KDM5B: variants seen among roughly 807,000 people sequenced by gnomAD.
The protein encoded by KDM5B is lysine-specific demethylase 5B.
In KDM5B, 144 loss-of-function variants were observed where a neutral mutation model predicts 193.4. That is an observed-to-expected ratio of 0.74 (90% CI 0.65 to 0.86). The LOEUF (loss-of-function observed/expected upper bound fraction) is 0.86. Among genes scored for constraint, KDM5B ranks in the 40% least tolerant of loss-of-function variants. The pLI is 0.00. For missense variants in KDM5B, 1,833 were observed against 1,886.9 expected (o/e 0.97, Z 0.53); for synonymous variants, 668 against 682.6 (o/e 0.98, Z 0.33).
intron 7 of KDM5B, among the ~76,000 whole-genome samples, chr1:202,761,617 G>A (rs1389100388): frequency 1.3e-5 from 2 of 152,022 alleles, no homozygotes; most frequent in Non-Finnish European, 2.9e-5. Context: ...GAGTCCTTAC[G>A]GAGGTAATCA....
intron 8 of KDM5B, 113 bp from the exon 9 acceptor site, chr1:202,758,623 A>C: frequency 1.3e-6 from 1 of 768,520 alleles, no homozygotes; most frequent in Non-Finnish European, 1.9e-6. Context: ...TTTTACTTCT[A>C]TGCTAGGTCT....
intron 1 of KDM5B, among the ~76,000 whole-genome samples, chr1:202,789,220 G>A (rs867698041): frequency 4.6e-5 from 7 of 152,186 alleles, no homozygotes; most frequent in Middle Eastern, 6.8e-3. Context: ...ATTTGCAATA[G>A]TATTAAAGAA....
intron 1 of KDM5B, among the ~76,000 whole-genome samples, chr1:202,795,103 A>G (rs1657786949): frequency 6.6e-6 from 1 of 151,976 alleles, no homozygotes; most frequent in Non-Finnish European, 1.5e-5. Flanking sequence ...AGTCTCAGCT[A>G]CTCAAGAGGC....
chr1:202,795,059 C>T (rs967598280), intron 1 of KDM5B, among the ~76,000 whole-genome samples: 6 of 151,104 alleles, frequency 4.0e-5, no homozygotes, highest in Admixed American at 1.3e-4. Flanking sequence ...ACTAAAAATA[C>T]AAAAATTAGC....
At chr1:202,779,020 G>A (rs983105000) in intron 1 of KDM5B, among the ~76,000 whole-genome samples, 1 of 152,148 alleles carries the variant, frequency 6.6e-6, no homozygotes, top group Non-Finnish European at 1.5e-5. Context: ...ACACTGGAAA[G>A]CTATCTAGAG....
chr1:202,794,338 G>T (rs1002836822), intron 1 of KDM5B, among the ~76,000 whole-genome samples: 1 of 152,238 alleles, frequency 6.6e-6, no homozygotes, highest in African/African-American at 2.4e-5. Context: ...TATGTGATTA[G>T]AGTAGTATTA....
chr1:202,727,430 G>T lies in KDM5B; in HGVS notation c.*1606C>A, dbSNP rs1654713321. On this transcript the variant is annotated 3_prime_UTR_variant, in exon 27 of 27. Transcript: ENST00000367265. ...CATTCTTAAAGAGATTTAATTATTT[G>T]AAGTGCATAAAAGGGGAGGGTACAT... The T allele has an allele frequency of 6.6e-6, 1 of 152,604 alleles. No homozygotes were observed. Among genetic ancestry groups the T allele is most frequent in the East Asian group, 1.9e-4 (1 of 5,194 alleles). 9.5% of individuals were successfully genotyped at this position (152,604 alleles called of 1,614,324 possible).
At position 202,726,785 on chromosome 1, in the gene KDM5B, A is replaced by T. The variant is rs1054115347; in HGVS notation, c.*2251T>A. 1 of 152,232 alleles carries T rather than the reference A, an allele frequency of 6.6e-6. No individual in the cohort carries two copies. The highest frequency in any genetic ancestry group is 1.5e-5 in the Non-Finnish European group (1 of 68,032). 9.4% of individuals were successfully genotyped at this position (152,232 alleles called of 1,614,324 possible). On this transcript the variant is annotated 3_prime_UTR_variant, in exon 27 of 27. Transcript: ENST00000367265. ...AACAAAGGCATAAACTGGAAAGTAA[A>T]CGTTATCTGTGTTCATTAGTAGTGT...
rs1654678211 is a variant in KDM5B at position 202,726,504 on chromosome 1, C to T, written c.*2532G>A. On this transcript the variant is annotated 3_prime_UTR_variant, in exon 27 of 27. Transcript: ENST00000367265. ...CATTTAGGTGAGGTGGAAGGCACAC[C>T]TCATCTACCCTTTCTTTCTTTACCC... 1 of 152,128 alleles carries T rather than the reference C, an allele frequency of 6.6e-6. No individual in the cohort carries two copies. The highest frequency in any genetic ancestry group is 1.5e-5 in the Non-Finnish European group (1 of 68,032). 9.4% of individuals were successfully genotyped at this position (152,128 alleles called of 1,614,324 possible).
chr1:202,742,737 G>A lies in KDM5B; in HGVS notation c.2392C>T (p.Arg798Ter), dbSNP rs750860780. The change falls in exon 17 of 27, where the codon CGA becomes TGA. Residue 798 changes from arginine (R) to a stop codon, truncating the protein, a stop_gained. Coordinates refer to ENST00000367265, the MANE Select transcript of KDM5B (RefSeq NM_006618.5). LOFTEE classifies it high-confidence loss of function. ...MKKFPDNDLLRHLRLVTQDAE... is the reference protein window; with the variant it reads ...MKKFPDNDLL The stretch of plus-strand genomic sequence containing the variant: ...TCCTGTGTGACTAGGCGAAGGTGTC[G>A]CAAAAGATCATTGTCTGGGAATTTC... 8 of 1,614,058 alleles carry A rather than the reference G, an allele frequency of 5.0e-6. No homozygotes were observed. The highest frequency in any genetic ancestry group is 5.9e-6 in the Non-Finnish European group (7 of 1,179,950).
Position 202,808,418 on chromosome 1 carries a change from G to A in KDM5B, c.-113C>T, listed in dbSNP as rs999448218. The A allele has an allele frequency of 2.0e-6, 2 of 977,362 alleles. No individual in the cohort carries two copies. The highest frequency in any genetic ancestry group is 2.8e-5 in the Admixed American group (1 of 35,098). The allele number at this position is 977,362 out of a possible 1,614,324, so 60.5% of individuals were successfully genotyped here. On this transcript the variant is annotated 5_prime_UTR_variant, in exon 1 of 27. Coordinates refer to ENST00000367265, the MANE Select transcript of KDM5B (RefSeq NM_006618.5). ...GCTCGAGCAACAGCAAGTCCGAGTT[G>A]TACGGGCAACGGCAGCACCTTGGGC... is the stretch of plus-strand genomic sequence containing the variant.
intron 14 of KDM5B, chr1:202,746,575 A>C: frequency 5.8e-6 from 2 of 346,366 alleles, no homozygotes; most frequent in Non-Finnish European, 1.0e-5. Context: ...CTGAGTATGA[A>C]CACCATAGGA....
At position 202,725,562 on chromosome 1, in the gene KDM5B, C is replaced by T. The variant is rs1654646846; in HGVS notation, c.*3474G>A. On this transcript the variant is annotated 3_prime_UTR_variant, in exon 27 of 27. Transcript: ENST00000367265. ...GAGTTGAGGGACCCTGACCCTCATA[C>T]ATAGCTCAATAAAGGCCGACACTGG... The T allele has an allele frequency of 6.6e-6, 1 of 152,202 alleles. No homozygotes were observed. Among genetic ancestry groups the T allele is most frequent in the Non-Finnish European group, 1.5e-5 (1 of 68,038 alleles). 9.4% of individuals were successfully genotyped at this position (152,202 alleles called of 1,614,324 possible).
intron 1 of KDM5B, among the ~76,000 whole-genome samples, chr1:202,804,967 T>C (rs1387910998): frequency 6.6e-6 from 1 of 151,974 alleles, no homozygotes; most frequent in Non-Finnish European, 1.5e-5. Flanking sequence ...TATATTCCTA[T>C]CAAAATTTGG....
At chr1:202,760,258 G>A (rs12135963) in intron 8 of KDM5B, among the ~76,000 whole-genome samples, 157 bp downstream of exon 8, 29,234 of 151,964 alleles carry the variant, frequency 0.19, 3,069 homozygotes, top group Middle Eastern at 0.28. Context: ...TGATGCTGCA[G>A]TGAGCCATGT....
chr1:202,787,761 C>T (rs985737699), intron 1 of KDM5B, among the ~76,000 whole-genome samples: 5 of 151,734 alleles, frequency 3.3e-5, no homozygotes, highest in African/African-American at 9.7e-5. Context: ...GGCATGGTGG[C>T]GGGCGCCTGT....
chr1:202,786,006 T>A (rs1348392085), intron 1 of KDM5B, among the ~76,000 whole-genome samples: 1 of 151,818 alleles, frequency 6.6e-6, no homozygotes, highest in African/African-American at 2.4e-5. Flanking sequence ...GTTTTTTGTT[T>A]GTTTTTGTTT....
At chr1:202,754,137 G>T (rs945084845) in intron 11 of KDM5B, among the ~76,000 whole-genome samples, 2 of 152,158 alleles carry the variant, frequency 1.3e-5, no homozygotes, top group Admixed American at 1.3e-4. Context: ...GCATTTCTAA[G>T]GAATTCTTAT....
intron 14 of KDM5B, among the ~76,000 whole-genome samples, chr1:202,748,347 T>C (rs1407221157): frequency 6.6e-6 from 1 of 152,074 alleles, no homozygotes. Context: ...TTAGGCAAGA[T>C]TTATTAAATA....
Sources: allele counts gnomAD v4.1 joint callset (sites outside exome capture counted in the v4.1 genomes callset), GRCh38; gene constraint gnomAD v4.1.1; transcripts MANE v1.5; gene names NCBI Gene and HGNC (gene_info 2026-07-23, HGNC 2026-07-21).